The following NOL3 variants were observed in gnomAD, a reference collection of about 807,000 sequenced individuals.
NOL3 encodes nucleolar protein 3.
Under a neutral mutation model 19.2 loss-of-function variants are expected in NOL3, and 18 were observed. The observed-to-expected ratio is 0.94, with a 90% CI of 0.65 to 1.39. NOL3 has a LOEUF of 1.39. Ranked by LOEUF, NOL3 falls within the 40% of genes most tolerant of loss-of-function variation. The pLI is 0.00. For synonymous variants in NOL3, 127 were observed against 137.3 expected (o/e 0.93, Z 0.52); for missense variants, 290 against 289.5 (o/e 1.00, Z -0.01).
chr16:67,173,672 C>T (rs1214629097), intron 1 of NOL3: 1 of 593,492 alleles, frequency 1.7e-6, no homozygotes, highest in African/African-American at 1.9e-5. Context: ...AAATATTCAG[C>T]AGTCAGACTG....
intron 3 of NOL3, 28 bp from the exon 4 acceptor site, chr16:67,175,019 C>T (rs961963278): frequency 6.2e-6 from 10 of 1,613,678 alleles, no homozygotes; most frequent in African/African-American, 1.3e-5. Flanking sequence ...GACCCCACCT[C>T]TTTGACCACT....
chr16:67,171,850 A>C (rs2031783069), intron 1 of NOL3: 1 of 152,476 alleles, frequency 6.6e-6, no homozygotes, highest in Non-Finnish European at 1.5e-5. Context: ...GTGGCAAGGC[A>C]GGAGCTGATG....
At chr16:67,174,210 G>A in exon 2 of NOL3, 1 of 1,612,726 alleles carries the variant, frequency 6.2e-7, no homozygotes, top group East Asian at 2.2e-5. Flanking sequence ...ACTATCGACC[G>A]CGAGCGGAAA....
At chr16:67,175,350 C>A in exon 4 of NOL3, 1 of 1,304,558 alleles carries the variant, frequency 7.7e-7, no homozygotes. Flanking sequence ...CTGGAGATCC[C>A]AAACCTAGCC....
At chr16:67,173,901 G>A in intron 1 of NOL3, 4 of 1,535,964 alleles carry the variant, frequency 2.6e-6, no homozygotes, top group Non-Finnish European at 3.5e-6. Flanking sequence ...GGGAGGAGAG[G>A]AGAGCCACGG....
At chr16:67,174,833 G>C (rs768540641) in exon 3 of NOL3, 3 of 1,604,054 alleles carry the variant, frequency 1.9e-6, no homozygotes, top group Non-Finnish European at 2.6e-6. Flanking sequence ...ACCGGAGCCG[G>C]AGCCAGAGCC....
intron 1 of NOL3, among the ~76,000 whole-genome samples, chr16:67,173,366 A>C (rs1452077522): frequency 6.6e-6 from 1 of 152,164 alleles, no homozygotes; most frequent in Non-Finnish European, 1.5e-5. Context: ...CCTGAAGAAG[A>C]TTCTGGTATC....
At chr16:67,174,732 C>T (rs747265874) in exon 3 of NOL3, 3 of 1,610,706 alleles carry the variant, frequency 1.9e-6, no homozygotes. Flanking sequence ...CCTGACGAGG[C>T]CGGGGGCCCT....
In NOL3 at chr16:67,174,483, G is replaced by T; in HGVS notation, c.295+19G>T. The T allele has an allele frequency of 6.8e-7, 1 of 1,476,166 alleles. No individual in the cohort carries two copies. 91.4% of individuals were successfully genotyped at this position (1,476,166 alleles called of 1,614,324 possible). On this transcript the variant is annotated intron_variant, in intron 2 of 3. Transcript: ENST00000268605. ...GGTCCGGGTGAGCGCGCGGGGCGGG[G>T]CCTAGGGCAGAGCAGGGACGGGGCT...
intron 3 of NOL3, 37 bp from the exon 4 acceptor site, chr16:67,175,010 A>AC: frequency 6.2e-7 from 1 of 1,612,864 alleles, no homozygotes; most frequent in Non-Finnish European, 8.5e-7. Flanking sequence ...CGGATGCCGG[A>AC]CCCCACCTCT....
At chr16:67,175,226 C>G (rs531349187) in exon 4 of NOL3, 1 of 1,507,930 alleles carries the variant, frequency 6.6e-7, no homozygotes, top group Non-Finnish European at 8.8e-7. Context: ...GGCTGTTTGC[C>G]CAGGAACTTA....
At chr16:67,173,732 G>A in intron 1 of NOL3, 2 of 764,122 alleles carry the variant, frequency 2.6e-6, no homozygotes, top group South Asian at 3.7e-5. Flanking sequence ...TCAATCCTAG[G>A]TTTTTCTGCC....
At chr16:67,175,480 T>A in exon 4 of NOL3, 1 of 375,550 alleles carries the variant, frequency 2.7e-6, no homozygotes, top group Non-Finnish European at 3.9e-6. Flanking sequence ...GAGCTGAACA[T>A]GGAGCAAGGG....
At chr16:67,174,974 T>A (rs2032077926) in intron 3 of NOL3, 30 bp downstream of exon 3, 1 of 1,609,438 alleles carries the variant, frequency 6.2e-7, no homozygotes, top group South Asian at 1.1e-5. Flanking sequence ...CTGAGCCGGC[T>A]TGGCGGGAGG....
In NOL3 at chr16:67,175,237, G is replaced by A. The variant is rs747805814; in HGVS notation, c.*183G>A. 5.4e-6 allele frequency: 8 copies of A among 1,495,094 alleles called. No individual in the cohort carries two copies. In the South Asian group the frequency reaches 9.4e-5, roughly 18 times the overall value. 92.6% of individuals were successfully genotyped at this position (1,495,094 alleles called of 1,614,324 possible). ...TTCTGGCTGTTTGCCCAGGAACTTA[G>A]GGTGGGTACCTCTGAGTCCCAGGGA... On this transcript the variant is annotated 3_prime_UTR_variant, in exon 4 of 4. Coordinates refer to ENST00000268605, the Ensembl canonical transcript of NOL3.
At chr16:67,173,979 G>A (rs1044315008) in intron 1 of NOL3, 183 bp from the exon 2 acceptor site, 70 of 1,537,902 alleles carry the variant, frequency 4.6e-5, no homozygotes, top group Non-Finnish European at 5.6e-5. Flanking sequence ...GAGGCAGGAG[G>A]ACACCGAGTT....
exon 4 of NOL3, chr16:67,175,447 AG>A: frequency 1.4e-6 from 1 of 713,920 alleles, no homozygotes; most frequent in Non-Finnish European, 1.8e-6. Flanking sequence ...TGTAGGTACC[AG>A]CTCAACCCCA....
rs2032074596 is a variant in NOL3 at position 67,174,952 on chromosome 16, T to C, written c.619+8T>C. On this transcript the variant is annotated splice_region_variant and intron_variant, in intron 3 of 3. Coordinates refer to ENST00000268605, the Ensembl canonical transcript of NOL3. The stretch of plus-strand genomic sequence containing the variant: ...AAAGGGACGAGTCCGAAGGTGTGAG[T>C]CCGCCCAAACCCTGAGCCGGCTTGG... 1 of 1,610,636 alleles carries C rather than the reference T, an allele frequency of 6.2e-7. No individual in the cohort carries two copies. The highest frequency in any genetic ancestry group is 2.2e-5 in the East Asian group (1 of 44,800).
Position 67,174,160 on chromosome 16 carries a change from A to G in NOL3, c.-8-2A>G. 6.2e-7 allele frequency: 1 copy of G among 1,606,562 alleles called. No homozygotes were observed. The highest frequency in any genetic ancestry group is 8.5e-7 in the Non-Finnish European group (1 of 1,175,730). On this transcript the variant is annotated splice_acceptor_variant, in intron 1 of 3. Coordinates refer to ENST00000268605, the Ensembl canonical transcript of NOL3. LOFTEE classifies it low-confidence loss of function (5UTR_SPLICE). ...TTACTTCTCTCCCCTTTCCCCATGC[A>G]GCCCCGACAATGGGCAACGCGCAGG...
Sources: gnomAD v4.1 joint callset for allele counts (sites outside exome capture counted in the v4.1 genomes callset) on GRCh38, gnomAD v4.1.1 for gene constraint, MANE v1.5 for transcripts, NCBI Gene and HGNC (gene_info 2026-07-23, HGNC 2026-07-21) for gene names.